The following KCND3 variants were observed in gnomAD, a reference collection of about 807,000 sequenced individuals.
KCND3 encodes the protein A-type voltage-gated potassium channel KCND3.
A neutral mutation model predicts 51.1 loss-of-function variants in KCND3; 9 were observed. The observed-to-expected ratio is 0.18, with a 90% CI of 0.11 to 0.31. The LOEUF (loss-of-function observed/expected upper bound fraction) is 0.31. KCND3 is among the 10% of genes least tolerant of loss of function. KCND3 has a pLI of 1.00. For synonymous variants in KCND3, 349 were observed against 368.0 expected (o/e 0.95, Z 0.59); for missense variants, 526 against 903.8 (o/e 0.58, Z 5.36).
intron 2 of KCND3, among the ~76,000 whole-genome samples, chr1:111,946,163 T>C (rs1672768082): frequency 6.6e-6 from 1 of 152,196 alleles, no homozygotes; most frequent in Admixed American, 6.5e-5. Flanking sequence ...CAAAGTGTTA[T>C]CAAGGCTGTG....
At chr1:111,926,370 C>T (rs1218033186) in intron 2 of KCND3, among the ~76,000 whole-genome samples, 1 of 152,208 alleles carries the variant, frequency 6.6e-6, no homozygotes, top group African/African-American at 2.4e-5. Flanking sequence ...ATTTGAACTC[C>T]ATAGCCAACC....
chr1:111,900,780 A>C (rs187810281), intron 2 of KCND3, among the ~76,000 whole-genome samples: 113 of 152,300 alleles, frequency 7.4e-4, no homozygotes, highest in African/African-American at 2.7e-3. Flanking sequence ...AACATGGTGA[A>C]ACCCCGTCTC....
chr1:111,816,199 T>C (rs74794078), intron 2 of KCND3, among the ~76,000 whole-genome samples: 1 of 152,234 alleles, frequency 6.6e-6, no homozygotes, highest in African/African-American at 2.4e-5. Flanking sequence ...CCCTACCACA[T>C]GGCCTCTTGG....
intron 2 of KCND3, among the ~76,000 whole-genome samples, chr1:111,887,545 C>A (rs1447419700): frequency 6.6e-6 from 1 of 152,168 alleles, no homozygotes; most frequent in Non-Finnish European, 1.5e-5. Flanking sequence ...AAACAAGCTC[C>A]AAAAGGCAAA....
chr1:111,966,445 G>A (rs1015847534), intron 2 of KCND3, among the ~76,000 whole-genome samples: 3 of 152,110 alleles, frequency 2.0e-5, no homozygotes, highest in Non-Finnish European at 2.9e-5. Context: ...GGGGTGGTAG[G>A]AGACAGAAGA....
At chr1:111,912,219 C>T (rs1243444048) in intron 2 of KCND3, among the ~76,000 whole-genome samples, 1 of 152,182 alleles carries the variant, frequency 6.6e-6, no homozygotes, top group African/African-American at 2.4e-5. Flanking sequence ...AATGTTTTGG[C>T]CAATGCCAGA....
At chr1:111,909,587 C>A (rs1670833951) in intron 2 of KCND3, 1 of 152,160 alleles carries the variant, frequency 6.6e-6, no homozygotes, top group East Asian at 1.9e-4. Flanking sequence ...CTTTTCGGTG[C>A]CGAGAAGGGC....
intron 2 of KCND3, among the ~76,000 whole-genome samples, chr1:111,913,026 C>T (rs1288938775): frequency 1.3e-5 from 2 of 152,120 alleles, no homozygotes; most frequent in African/African-American, 4.8e-5. Context: ...ATTCACTCAC[C>T]CCTCACACAG....
intron 2 of KCND3, among the ~76,000 whole-genome samples, chr1:111,896,467 CAG>C (rs2101777328): frequency 6.6e-6 from 1 of 152,278 alleles, no homozygotes; most frequent in African/African-American, 2.4e-5. Flanking sequence ...CCCTGAAGCC[CAG>C]AGAGAGGAGG....
intron 2 of KCND3, among the ~76,000 whole-genome samples, chr1:111,798,020 G>A (rs1424973338): frequency 6.6e-6 from 1 of 152,214 alleles, no homozygotes; most frequent in African/African-American, 2.4e-5. Flanking sequence ...GGATGGGAAA[G>A]AGAGGACAGA....
intron 2 of KCND3, among the ~76,000 whole-genome samples, chr1:111,929,603 C>T (rs959611664): frequency 6.6e-6 from 1 of 152,196 alleles, no homozygotes; most frequent in African/African-American, 2.4e-5. Flanking sequence ...TCCCATAGTA[C>T]CAGAAAGTGG....
chr1:111,982,077 G>A lies in KCND3; in HGVS notation c.650C>T (p.Pro217Leu), dbSNP rs1306797985. The A allele has an allele frequency of 1.2e-6, 2 of 1,613,726 alleles. No individual in the cohort carries two copies. Among genetic ancestry groups the A allele is most frequent in the Non-Finnish European group, 8.5e-7 (1 of 1,179,958 alleles). ...CGTVPGSKEL[P>L]CGERYSVAFF... ...GGCCACCGAGTAGCGCTCCCCGCAC[G>A]GCAGCTCCTTGCTGCCCGGGACCGT... The change falls in exon 2 of 8, where the codon CCG becomes CTG. Residue 217 changes from proline to leucine, a missense_variant. Coordinates refer to ENST00000302127, the MANE Select transcript of KCND3 (RefSeq NM_001378969.1). This position sits in a 1 kb window ranked among gnomAD's most constrained non-coding sequence, Gnocchi z 8.5.
Position 111,780,579 on chromosome 1 carries a change from C to T in KCND3, c.1371+111G>A. On this transcript the variant is annotated intron_variant, in intron 4 of 7. Coordinates refer to ENST00000302127, the MANE Select transcript of KCND3 (RefSeq NM_001378969.1). This position sits in a 1 kb window ranked among gnomAD's most constrained non-coding sequence, Gnocchi z 4.2. Reference sequence around the variant, plus strand: ...CCTGGGGAAAGTTTGGAAACGTGTCCTCCTTGGGGTTCATACTGGGGCTCT... The same window carrying T: ...CCTGGGGAAAGTTTGGAAACGTGTCTTCCTTGGGGTTCATACTGGGGCTCT... 2.0e-6 allele frequency: 2 copies of T among 997,466 alleles called. No homozygotes were observed. The highest frequency in any genetic ancestry group is 3.1e-6 in the Non-Finnish European group (2 of 645,240). 61.8% of individuals were successfully genotyped at this position (997,466 alleles called of 1,614,324 possible).
intron 2 of KCND3, among the ~76,000 whole-genome samples, chr1:111,925,160 CTTG>C (rs1671647686): frequency 6.6e-6 from 1 of 152,348 alleles, no homozygotes; most frequent in Admixed American, 6.5e-5. Context: ...GCCCATGGCC[CTTG>C]TTGCTGGCGC....
chr1:111,858,687 GA>G (rs1668202842), intron 2 of KCND3, among the ~76,000 whole-genome samples: 1 of 152,130 alleles, frequency 6.6e-6, no homozygotes, highest in Non-Finnish European at 1.5e-5. Flanking sequence ...TTTTAGCACT[GA>G]AAGTCCCCCA....
chr1:111,868,949 C>G (rs1196736923), intron 2 of KCND3, among the ~76,000 whole-genome samples: 1 of 152,062 alleles, frequency 6.6e-6, no homozygotes, highest in Non-Finnish European at 1.5e-5. Context: ...CACTATGTTG[C>G]CTAGGCTAAC....
chr1:111,866,650 T>C (rs1180172255), intron 2 of KCND3, among the ~76,000 whole-genome samples: 1 of 150,000 alleles, frequency 6.7e-6, no homozygotes, highest in Non-Finnish European at 1.5e-5. Context: ...AGTGTTATTT[T>C]GGGTCACAAA....
At chr1:111,814,240 C>T (rs1364880896) in intron 2 of KCND3, among the ~76,000 whole-genome samples, 1 of 94,808 alleles carries the variant, frequency 1.1e-5, no homozygotes, top group Non-Finnish European at 2.0e-5. Flanking sequence ...GGTGCTTATC[C>T]TAGGAGCAGG....
chr1:111,940,341 C>T (rs193173509), intron 2 of KCND3, among the ~76,000 whole-genome samples: 6 of 152,004 alleles, frequency 3.9e-5, no homozygotes, highest in East Asian at 3.9e-4. Flanking sequence ...GTTTTCTTCT[C>T]GGGTTTTTAT....
Sources: allele counts gnomAD v4.1 joint callset (sites outside exome capture counted in the v4.1 genomes callset), GRCh38; gene constraint gnomAD v4.1.1; non-coding constraint Gnocchi (gnomAD v3.1); transcripts MANE v1.5; gene names NCBI Gene and HGNC (gene_info 2026-07-23, HGNC 2026-07-21).